The following TRIP10 variants were observed in gnomAD, a reference collection of about 807,000 sequenced individuals.
The protein encoded by TRIP10 is cdc42-interacting protein 4.
In TRIP10, 54 loss-of-function variants were observed where a neutral mutation model predicts 80.9. The ratio of observed to expected loss-of-function variants is 0.67; its 90% confidence interval spans 0.54 to 0.84. The LOEUF (loss-of-function observed/expected upper bound fraction) is 0.84. Ranked by LOEUF, TRIP10 falls within the 40% of genes least tolerant of loss-of-function variation. TRIP10 has a pLI of 0.00. For synonymous variants in TRIP10, 321 were observed against 307.2 expected (o/e 1.04, Z -0.47); for missense variants, 773 against 815.3 (o/e 0.95, Z 0.63).
intron 5 of TRIP10, 62 bp downstream of exon 5, chr19:6,743,318 G>C (rs150049717): frequency 6.3e-7 from 1 of 1,595,076 alleles, no homozygotes; most frequent in East Asian, 2.3e-5. Flanking sequence ...TTGCGGATCC[G>C]GAGTCAGGGA....
intron 11 of TRIP10, among the ~76,000 whole-genome samples, chr19:6,748,139 A>G (rs1179400704): frequency 3.3e-5 from 5 of 152,168 alleles, no homozygotes. Context: ...CACTTAAAAT[A>G]TTGACAATAA....
In TRIP10 at chr19:6,739,797, C is replaced by G. The variant is rs200516611; in HGVS notation, c.24+12C>G. 56 of 1,459,212 alleles carry G rather than the reference C, an allele frequency of 3.8e-5. No individual in the cohort carries two copies. In the East Asian group the frequency reaches 1.5e-3, roughly 39 times the overall value. The allele number at this position is 1,459,212 out of a possible 1,614,324, so 90.4% of individuals were successfully genotyped here. On this transcript the variant is annotated intron_variant, in intron 1 of 14. Transcript: ENST00000313244. ...GCACTGAGCTGTGGGTAAGTCCAAT[C>G]GGCCCGCCTCTAAGTTCCCCTTTGC...
chr19:6,750,213 T>C (rs1234812858), intron 12 of TRIP10, 79 bp from the exon 13 acceptor site: 1 of 1,589,506 alleles, frequency 6.3e-7, no homozygotes, highest in African/African-American at 1.3e-5. Context: ...GCGTGGGTGA[T>C]CTCAGGGAAC....
chr19:6,741,183 G>A (rs374953716), intron 2 of TRIP10, 42 bp from the exon 3 acceptor site: 36 of 1,613,308 alleles, frequency 2.2e-5, no homozygotes, highest in Non-Finnish European at 2.8e-5. Flanking sequence ...GGAGCGGTGG[G>A]AGGGCTGCGG....
At position 6,744,770 on chromosome 19, in the gene TRIP10, G is replaced by A. The variant is rs369486957; in HGVS notation, c.790-30G>A. 1.4e-5 allele frequency: 23 copies of A among 1,602,260 alleles called. No individual in the cohort carries two copies. The highest frequency in any genetic ancestry group is 2.2e-5 in the South Asian group (2 of 88,892). On this transcript the variant is annotated intron_variant, in intron 8 of 14. Coordinates refer to ENST00000313244, the MANE Select transcript of TRIP10 (RefSeq NM_001288962.2). This position sits in a 1 kb window ranked among gnomAD's most constrained non-coding sequence, Gnocchi z 4.9. ...GGAGGTACCCATAGGCTAGGCACTC[G>A]ACTGCTCATCCACTGTCCCCCTCCC...
At chr19:6,749,855 CA>C in intron 11 of TRIP10, 78 bp from the exon 12 acceptor site, 1 of 1,553,850 alleles carries the variant, frequency 6.4e-7, no homozygotes, top group Non-Finnish European at 8.7e-7. Flanking sequence ...GACCCTGACT[CA>C]AACAAAACAA....
rs747863740 is a variant in TRIP10, at chr19:6,743,526, G to A, written c.441G>A (p.Glu147=). Reference sequence around the variant, plus strand: ...GTAAATTTGAGCGGGACTGCCGGGAGGCAGAGAAGGCAGCCCAGACTGCTG... The same window carrying A: ...GTAAATTTGAGCGGGACTGCCGGGAAGCAGAGAAGGCAGCCCAGACTGCTG... The part of the protein sequence containing the change: ...SKRKFERDCR[E]AEKAAQTAER... The change falls in exon 6 of 15, where the codon GAG becomes GAA. Residue 147 remains glutamate (E), a synonymous_variant. Coordinates refer to ENST00000313244, the MANE Select transcript of TRIP10 (RefSeq NM_001288962.2). The A allele has an allele frequency of 6.2e-7, 1 of 1,613,354 alleles. No individual in the cohort carries two copies. Among genetic ancestry groups the A allele is most frequent in the East Asian group, 2.2e-5 (1 of 44,874 alleles).
In TRIP10 at chr19:6,746,373, G is replaced by T; in HGVS notation, c.1153-79G>T. On this transcript the variant is annotated intron_variant, in intron 10 of 14. Transcript: ENST00000313244. This position sits in a 1 kb window ranked among gnomAD's most constrained non-coding sequence, Gnocchi z 6.2. ...TCAAGAACCATGGCTGGGGAAGGGA[G>T]TGAAATATCTCAGACGGGTGCAGAG... is the stretch of plus-strand genomic sequence containing the variant. 2 of 1,576,752 alleles carry T rather than the reference G, an allele frequency of 1.3e-6. No homozygotes were observed. Among genetic ancestry groups the T allele is most frequent in the East Asian group, 4.5e-5 (2 of 44,286 alleles).
chr19:6,743,125 C>T lies in TRIP10; in HGVS notation c.345+11C>T, dbSNP rs768635205. ...CAGGAGAGGAAGATGGTGAGGAGCCCCCCGATTCAGGTTTTACAAAGGGCT... is the reference window on the plus strand; with the variant it reads ...CAGGAGAGGAAGATGGTGAGGAGCCTCCCGATTCAGGTTTTACAAAGGGCT... On this transcript the variant is annotated intron_variant, in intron 4 of 14. Coordinates refer to ENST00000313244, the MANE Select transcript of TRIP10 (RefSeq NM_001288962.2). 1.9e-5 allele frequency: 31 copies of T among 1,614,022 alleles called. No homozygotes were observed. In the African/African-American group the frequency reaches 3.1e-4, roughly 16 times the overall value.
chr19:6,746,142 T>C lies in TRIP10; in HGVS notation c.1098T>C (p.Ser366=). ...CCTTGGCCATACTGAGCGAGATCAG[T>C]AAGTCGGTCAAACCGAGGCTAGCAT... ...RDPLAILSEI[S]KSVKPRLASF... Residue 366 remains serine, a synonymous_variant, in exon 10 of 15, where the codon AGT becomes AGC. Transcript: ENST00000313244. This position sits in a 1 kb window ranked among gnomAD's most constrained non-coding sequence, Gnocchi z 6.2. The C allele has an allele frequency of 6.5e-7, 1 of 1,545,648 alleles. No homozygotes were observed. Among genetic ancestry groups the C allele is most frequent in the Non-Finnish European group, 8.7e-7 (1 of 1,144,844 alleles).
chr19:6,743,925 T>G lies in TRIP10; in HGVS notation c.642+89T>G. The G allele has an allele frequency of 2.0e-6, 3 of 1,504,966 alleles. No individual in the cohort carries two copies. In the South Asian group the frequency reaches 3.7e-5, roughly 18 times the overall value. 93.2% of individuals were successfully genotyped at this position (1,504,966 alleles called of 1,614,324 possible). On this transcript the variant is annotated intron_variant, in intron 7 of 14. Transcript: ENST00000313244. The stretch of plus-strand genomic sequence containing the variant: ...GCATTCATCAAAACCCCAGCTGCAA[T>G]GTCCCAGTCCCTAGATTGAAAGGGA...
rs1170817443 is a variant in TRIP10 at position 6,746,969 on chromosome 19, T to C, written c.1262+408T>C. Among the ~76,000 whole-genome samples, 1 of 152,174 alleles carries C rather than the reference T, an allele frequency of 6.6e-6. No individual in the cohort carries two copies. The highest frequency in any genetic ancestry group is 6.5e-5 in the Admixed American group (1 of 15,270). ...TAAATGAATGACATTTAAATGGTAC[T>C]CAAAGATCTCCCCAATAATCCCAAG... On this transcript the variant is annotated intron_variant, in intron 11 of 14. Transcript: ENST00000313244. The surrounding 1 kb of genome is among the most constrained non-coding windows in gnomAD (Gnocchi z 6.2).
At chr19:6,742,613 C>A (rs1968952620) in intron 3 of TRIP10, among the ~76,000 whole-genome samples, 1 of 151,562 alleles carries the variant, frequency 6.6e-6, no homozygotes, top group African/African-American at 2.4e-5. Flanking sequence ...GAGTTTGAGA[C>A]CTCATCTGGA....
In TRIP10 at chr19:6,750,524, T is replaced by C. The variant is rs1969260357; in HGVS notation, c.1548T>C (p.Pro516=). The C allele has an allele frequency of 6.2e-7, 1 of 1,613,948 alleles. No individual in the cohort carries two copies. Among genetic ancestry groups the C allele is most frequent in the African/African-American group, 1.3e-5 (1 of 74,888 alleles). ...SQDTKESSEE[P]PSEESQDTPI... ...TATCCCCAAACAGCTCTGAAGAGCC[T>C]CCCTCAGAAGAGAGCCAGGACACCC... The change falls in exon 14 of 15, where the codon CCT becomes CCC. Residue 516 remains proline (P), a synonymous_variant. Coordinates refer to ENST00000313244, the MANE Select transcript of TRIP10 (RefSeq NM_001288962.2).
At position 6,745,429 on chromosome 19, in the gene TRIP10, T is replaced by C. The variant is rs1249814809; in HGVS notation, c.984+435T>C. Among the ~76,000 whole-genome samples the C allele has an allele frequency of 6.6e-6, 1 of 152,168 alleles. No individual in the cohort carries two copies. Among genetic ancestry groups the C allele is most frequent in the Non-Finnish European group, 1.5e-5 (1 of 68,030 alleles). ...CTTGGTTTATACCTTTGATTTATAC[T>C]TTGGGTCCCTCTTCACTTACACTCT... On this transcript the variant is annotated intron_variant, in intron 9 of 14. Coordinates refer to ENST00000313244, the MANE Select transcript of TRIP10 (RefSeq NM_001288962.2). This position sits in a 1 kb window ranked among gnomAD's most constrained non-coding sequence, Gnocchi z 7.2.
rs1969112355 is a variant in TRIP10, at chr19:6,746,022, C to T, written c.985-7C>T. 9.2e-7 allele frequency: 1 copy of T among 1,089,678 alleles called. No homozygotes were observed. The highest frequency in any genetic ancestry group is 1.2e-6 in the Non-Finnish European group (1 of 827,288). The allele number at this position is 1,089,678 out of a possible 1,614,324, so 67.5% of individuals were successfully genotyped here. A position where few individuals can be genotyped will look rare whatever the true frequency, so the allele number is the denominator to read the frequency against. On this transcript the variant is annotated splice_polypyrimidine_tract_variant and splice_region_variant and intron_variant, in intron 9 of 14. Transcript: ENST00000313244. This position sits in a 1 kb window ranked among gnomAD's most constrained non-coding sequence, Gnocchi z 6.2. The stretch of plus-strand genomic sequence containing the variant: ...AACCTATCCCCCTCCCCGGCCCCCG[C>T]CGGTAGCCTCGCCCCCCACCCCTCT...
intron 14 of TRIP10, 179 bp from the exon 15 acceptor site, chr19:6,750,884 T>C: frequency 8.7e-7 from 1 of 1,143,942 alleles, no homozygotes; most frequent in African/African-American, 1.6e-5. Context: ...TGATCCCAGC[T>C]ACTCGGGAGG....
Position 6,751,371 on chromosome 19 carries a change from G to T in TRIP10, c.*160G>T, listed in dbSNP as rs776837776. ...CCAACCCAGTCCTACCTGTCACACC[G>T]GACGGACCCGCTGTGCCTTCTACCA... On this transcript the variant is annotated 3_prime_UTR_variant, in exon 15 of 15. Coordinates refer to ENST00000313244, the MANE Select transcript of TRIP10 (RefSeq NM_001288962.2). 1.4e-6 allele frequency: 2 copies of T among 1,410,446 alleles called. No homozygotes were observed. The highest frequency in any genetic ancestry group is 1.9e-6 in the Non-Finnish European group (2 of 1,073,428). 87.4% of individuals were successfully genotyped at this position (1,410,446 alleles called of 1,614,324 possible).
intron 3 of TRIP10, among the ~76,000 whole-genome samples, chr19:6,741,819 GTTGTT>G (rs374674247): frequency 8.0e-4 from 122 of 152,088 alleles, no homozygotes; most frequent in African/African-American, 2.9e-3. Context: ...GTTAATTGTA[GTTGTT>G]TTGTTTTGTT....
Sources: allele counts gnomAD v4.1 joint callset (sites outside exome capture counted in the v4.1 genomes callset), GRCh38; gene constraint gnomAD v4.1.1; non-coding constraint Gnocchi (gnomAD v3.1); transcripts MANE v1.5; gene names NCBI Gene and HGNC (gene_info 2026-07-23, HGNC 2026-07-21).